The following TSHZ1 variants were observed in gnomAD, a reference collection of about 807,000 sequenced individuals.
The protein encoded by TSHZ1 is teashirt zinc finger homeobox 1, also known as teashirt homolog 1.
TSHZ1 carries 12 observed loss-of-function variants against 67.1 expected under a neutral mutation model. That is an observed-to-expected ratio of 0.18 (90% CI 0.11 to 0.29). The LOEUF (loss-of-function observed/expected upper bound fraction) is 0.29. Among genes scored for constraint, TSHZ1 ranks in the 10% least tolerant of loss-of-function variants. The pLI is 1.00. For missense variants in TSHZ1, 1,305 were observed against 1,413.9 expected (o/e 0.92, Z 1.23); for synonymous variants, 632 against 622.4 (o/e 1.02, Z -0.23).
chr18:75,285,293 C>T, intron 1 of TSHZ1, 155 bp from the exon 2 acceptor site: 2 of 864,554 alleles, frequency 2.3e-6, no homozygotes, highest in Admixed American at 3.5e-5. Flanking sequence ...TGAAACCTAA[C>T]TCCTGCAAAG....
chr18:75,249,243 A>C (rs1204820017), intron 1 of TSHZ1, among the ~76,000 whole-genome samples: 1 of 152,166 alleles, frequency 6.6e-6, no homozygotes, highest in Non-Finnish European at 1.5e-5. Context: ...CCTCTGGTGG[A>C]GACCCCGGAG....
At chr18:75,225,582 G>A (rs1317274471) in intron 1 of TSHZ1, among the ~76,000 whole-genome samples, 1 of 152,194 alleles carries the variant, frequency 6.6e-6, no homozygotes, top group Non-Finnish European at 1.5e-5. Flanking sequence ...CCCCACTGTC[G>A]TGGAAATCAA....
rs1270402550 is a variant in TSHZ1, at chr18:75,285,569, A to G, written c.162A>G (p.Lys54=). The G allele has an allele frequency of 2.5e-6, 4 of 1,595,052 alleles. No homozygotes were observed. Among genetic ancestry groups the G allele is most frequent in the Non-Finnish European group, 3.4e-6 (4 of 1,166,284 alleles). ...EYMCNEETEI[K]EAQSYQNSPV... is the part of the protein sequence containing the mutation. ...TGTGCAATGAAGAGACGGAGATCAA[A>G]GAGGCGCAGAGCTACCAGAACTCCC... The change falls in exon 2 of 2, where the codon AAA becomes AAG. Residue 54 remains lysine, a synonymous_variant. Transcript: ENST00000580243.
At chr18:75,277,600 C>G (rs2023630350) in intron 1 of TSHZ1, among the ~76,000 whole-genome samples, 2 of 152,046 alleles carry the variant, frequency 1.3e-5, no homozygotes, top group Non-Finnish European at 2.9e-5. Flanking sequence ...TGTCATCTCA[C>G]TGTGTCGTCA....
Position 75,287,347 on chromosome 18 carries a change from C to A in TSHZ1, c.1940C>A (p.Thr647Lys). The A allele has an allele frequency of 6.2e-7, 1 of 1,614,106 alleles. No individual in the cohort carries two copies. Residue 647 changes from threonine (T) to lysine (K), a missense_variant, in exon 2 of 2, where the codon ACG (threonine) becomes AAG (lysine). Transcript: ENST00000580243. This position sits in a 1 kb window ranked among gnomAD's most constrained non-coding sequence, Gnocchi z 5.0. The stretch of plus-strand genomic sequence containing the variant: ...ATGGAGGAGCTGGTGGAGAAGGTCA[C>A]GGGCAAGGTCAACATCAAGAAGGAG... Reference protein sequence around the residue: ...SAMEELVEKVTGKVNIKKEER... With the variant: ...SAMEELVEKVKGKVNIKKEER...
chr18:75,249,637 C>T (rs1032221050), intron 1 of TSHZ1, among the ~76,000 whole-genome samples: 2 of 146,834 alleles, frequency 1.4e-5, no homozygotes, highest in African/African-American at 5.2e-5. Context: ...GGGTGACTTC[C>T]TCCTCCTCAA....
chr18:75,235,637 G>A (rs2023057792), intron 1 of TSHZ1, among the ~76,000 whole-genome samples: 2 of 152,246 alleles, frequency 1.3e-5, no homozygotes, highest in East Asian at 1.9e-4. Context: ...GGTGTAGCAG[G>A]AGTATTTTGA....
chr18:75,222,921 T>A (rs2022867545), intron 1 of TSHZ1, among the ~76,000 whole-genome samples: 2 of 152,166 alleles, frequency 1.3e-5, no homozygotes, highest in African/African-American at 4.8e-5. Context: ...TCTCTGCAAA[T>A]TAATCACCCT....
intron 1 of TSHZ1, among the ~76,000 whole-genome samples, chr18:75,224,587 C>G (rs1030129637): frequency 2.0e-5 from 3 of 152,254 alleles, no homozygotes; most frequent in Admixed American, 6.5e-5. Flanking sequence ...TATGATCCCC[C>G]CCTCCCCGCA....
At chr18:75,275,994 T>C (rs967953983) in intron 1 of TSHZ1, among the ~76,000 whole-genome samples, 1 of 152,214 alleles carries the variant, frequency 6.6e-6, no homozygotes, top group African/African-American at 2.4e-5. Flanking sequence ...AATCAAAGTT[T>C]TTCATCTTTT....
intron 1 of TSHZ1, among the ~76,000 whole-genome samples, chr18:75,226,664 G>A (rs562179659): frequency 3.0e-4 from 45 of 151,336 alleles, no homozygotes; most frequent in Admixed American, 3.0e-3. Context: ...ATGCCAAAAA[G>A]TTGATTTCCT....
chr18:75,272,528 G>A (rs539043618), intron 1 of TSHZ1, among the ~76,000 whole-genome samples: 3 of 152,380 alleles, frequency 2.0e-5, no homozygotes, highest in South Asian at 2.1e-4. Context: ...TCCTCTTTCA[G>A]AGTGGCCTTC....
intron 1 of TSHZ1, among the ~76,000 whole-genome samples, chr18:75,231,568 C>G (rs1321913149): frequency 6.6e-6 from 1 of 152,174 alleles, no homozygotes; most frequent in East Asian, 1.9e-4. Context: ...CAGAGTCTCG[C>G]TCTGTCCCCA....
At chr18:75,251,385 A>G (rs749649130) in intron 1 of TSHZ1, among the ~76,000 whole-genome samples, 3 of 152,044 alleles carry the variant, frequency 2.0e-5, no homozygotes, top group Non-Finnish European at 4.4e-5. Context: ...ATATTTTTCA[A>G]ACAAAGATGG....
intron 1 of TSHZ1, chr18:75,283,321 G>A (rs1485602814): frequency 6.6e-6 from 1 of 152,296 alleles, no homozygotes; most frequent in Non-Finnish European, 1.5e-5. Context: ...TGGGGTCCCT[G>A]GGTCCTAGCA....
intron 1 of TSHZ1, among the ~76,000 whole-genome samples, chr18:75,255,032 A>G (rs2023346419): frequency 6.6e-6 from 1 of 152,194 alleles, no homozygotes; most frequent in Non-Finnish European, 1.5e-5. Context: ...TATTTTATGG[A>G]CACATTTTTT....
chr18:75,268,370 G>A (rs554263869), intron 1 of TSHZ1, among the ~76,000 whole-genome samples: 37 of 152,276 alleles, frequency 2.4e-4, no homozygotes, highest in Middle Eastern at 3.4e-3. Context: ...CCAGAGTGTC[G>A]CTTTATGAGA....
In TSHZ1 at chr18:75,259,452, G is replaced by A. The variant is rs1194584267; in HGVS notation, c.41-25996G>A. Among the ~76,000 whole-genome samples the A allele has an allele frequency of 2.6e-5, 4 of 152,098 alleles. No homozygotes were observed. The East Asian group carries it at 5.8e-4, about 22-fold the overall frequency. ...GATGAAATCTTGTACAGTCCTACAC[G>A]GTCCCTCCTAGGACACAAATCACCC... On this transcript the variant is annotated intron_variant, in intron 1 of 1. Coordinates refer to ENST00000580243, the MANE Select transcript of TSHZ1 (RefSeq NM_001308210.2).
intron 1 of TSHZ1, chr18:75,280,767 G>T (rs1019846970): frequency 3.0e-6 from 3 of 985,444 alleles, no homozygotes; most frequent in Admixed American, 6.1e-5. Flanking sequence ...AGCCTGTGCC[G>T]TGTGAGCTGA....
Sources: gnomAD v4.1 joint callset for allele counts (sites outside exome capture counted in the v4.1 genomes callset) on GRCh38, gnomAD v4.1.1 for gene constraint, Gnocchi (gnomAD v3.1) non-coding constraint, MANE v1.5 for transcripts, NCBI Gene and HGNC (gene_info 2026-07-23, HGNC 2026-07-21) for gene names.